Variants in PKP4 observed in about 807,000 individuals in gnomAD.
PKP4 encodes the protein plakophilin-4.
In PKP4, 90 loss-of-function variants were observed where a neutral mutation model predicts 145.1. That is an observed-to-expected ratio of 0.62 (90% CI 0.52 to 0.74). The LOEUF is 0.74. Among genes scored for constraint, PKP4 ranks in the 30% least tolerant of loss-of-function variants. The probability of loss-of-function intolerance (pLI) is 0.00; values close to 1 mark genes in which losing one functional copy is unlikely to be tolerated. For synonymous variants in PKP4, 563 were observed against 577.2 expected, an observed-to-expected ratio of 0.98 and a Z score of 0.35; for missense variants, 1,340 against 1,482.7, an observed-to-expected ratio of 0.90 and a Z score of 1.58.
chr2:158,664,320 C>T (rs970062865), intron 15 of PKP4, among the ~76,000 whole-genome samples: 2 of 152,164 alleles, frequency 1.3e-5, no homozygotes, highest in African/African-American at 4.8e-5. Flanking sequence ...TCTAAGGTTT[C>T]TGCATCTTTT....
At chr2:158,610,860 C>T (rs1268219445) in intron 4 of PKP4, among the ~76,000 whole-genome samples, 1 of 152,194 alleles carries the variant, frequency 6.6e-6, no homozygotes, top group Admixed American at 6.5e-5. Flanking sequence ...AGGAGCAGTC[C>T]GTCTTACAGG....
chr2:158,523,951 G>T (rs2042694578), intron 1 of PKP4, among the ~76,000 whole-genome samples: 1 of 98,386 alleles, frequency 1.0e-5, no homozygotes, highest in Admixed American at 1.2e-4. Flanking sequence ...AAAAAGAAAT[G>T]AGCAAAGCCT....
At chr2:158,503,567 A>G (rs1042556718) in intron 1 of PKP4, among the ~76,000 whole-genome samples, 2 of 152,220 alleles carry the variant, frequency 1.3e-5, no homozygotes, top group African/African-American at 2.4e-5. Flanking sequence ...TCAAAACTTA[A>G]GATCTTTCAT....
chr2:158,554,975 T>TTAA (rs1553573598), intron 2 of PKP4, among the ~76,000 whole-genome samples: 1 of 151,412 alleles, frequency 6.6e-6, no homozygotes, highest in Non-Finnish European at 1.5e-5. Context: ...ATTTACTTGT[T>TTAA]TAAATAATCC....
intron 1 of PKP4, among the ~76,000 whole-genome samples, chr2:158,502,470 T>C (rs567657758): frequency 1.3e-5 from 2 of 152,318 alleles, no homozygotes; most frequent in East Asian, 3.9e-4. Flanking sequence ...CATTTGAGCT[T>C]TGAATTTCAG....
At chr2:158,606,115 T>C (rs1157490361) in intron 4 of PKP4, among the ~76,000 whole-genome samples, 1 of 152,222 alleles carries the variant, frequency 6.6e-6, no homozygotes, top group Non-Finnish European at 1.5e-5. Flanking sequence ...TTCTCTTAAG[T>C]ATAAACCTAT....
At chr2:158,469,036 C>T (rs143825869) in intron 1 of PKP4, among the ~76,000 whole-genome samples, 2,468 of 151,984 alleles carry the variant, frequency 0.016, 30 homozygotes, top group Non-Finnish European at 0.025. Flanking sequence ...GCCTCAGCAT[C>T]CCAAAGTGCT....
intron 2 of PKP4, among the ~76,000 whole-genome samples, chr2:158,556,313 G>A (rs563404050): frequency 2.0e-5 from 3 of 152,308 alleles, no homozygotes; most frequent in East Asian, 3.9e-4. Context: ...GTAATCAAGA[G>A]TGTGAAGAGG....
chr2:158,504,589 G>C (rs916715093), intron 1 of PKP4, among the ~76,000 whole-genome samples: 15 of 151,982 alleles, frequency 9.9e-5, no homozygotes, highest in Admixed American at 8.5e-4. Context: ...TTATTTACTA[G>C]AATAGGTAGT....
intron 1 of PKP4, among the ~76,000 whole-genome samples, chr2:158,518,042 T>C (rs1278983654): frequency 6.6e-6 from 1 of 152,262 alleles, no homozygotes; most frequent in East Asian, 1.9e-4. Context: ...TATTGACTTA[T>C]TCAGTGTGTA....
rs1299734671 is a variant in PKP4 at position 158,482,848 on chromosome 2, G to T, written c.-6+25630G>T. On this transcript the variant is annotated intron_variant, in intron 1 of 21. Coordinates refer to ENST00000389759, the MANE Select transcript of PKP4 (RefSeq NM_003628.6). ...GCTTCAAAAAAAAAAAAAGAGGGGG[G>T]AAGGGAGGAAGGAATTTAGAGAACA... Among the ~76,000 whole-genome samples, 3 of 151,952 alleles carry T rather than the reference G, an allele frequency of 2.0e-5. No individual in the cohort carries two copies. The East Asian group carries it at 5.8e-4, about 29-fold the overall frequency.
At chr2:158,594,933 T>C (rs1209854428) in intron 3 of PKP4, among the ~76,000 whole-genome samples, 2 of 152,220 alleles carry the variant, frequency 1.3e-5, no homozygotes, top group Non-Finnish European at 2.9e-5. Flanking sequence ...GCAAAGCAGT[T>C]CACTTTCACT....
chr2:158,556,955 G>A (rs1454157243), intron 2 of PKP4, among the ~76,000 whole-genome samples: 2 of 151,994 alleles, frequency 1.3e-5, no homozygotes, highest in Non-Finnish European at 2.9e-5. Context: ...TCCACACCCT[G>A]AAGATCATGG....
chr2:158,477,535 GA>G (rs1692673378), intron 1 of PKP4, among the ~76,000 whole-genome samples: 1 of 152,212 alleles, frequency 6.6e-6, no homozygotes, highest in Non-Finnish European at 1.5e-5. Flanking sequence ...ATTATGGCCT[GA>G]TACCTCAGGA....
At chr2:158,615,987 C>CT (rs2051566733) in intron 4 of PKP4, among the ~76,000 whole-genome samples, 1 of 152,196 alleles carries the variant, frequency 6.6e-6, no homozygotes, top group African/African-American at 2.4e-5. Flanking sequence ...GAAACATGGT[C>CT]TTTCTGCCTT....
chr2:158,629,016 C>G (rs1206800469), intron 7 of PKP4, among the ~76,000 whole-genome samples: 1 of 152,134 alleles, frequency 6.6e-6, no homozygotes, highest in Non-Finnish European at 1.5e-5. Flanking sequence ...CTTTATGTCA[C>G]TGTTAACAAA....
chr2:158,483,137 G>A (rs570216034), intron 1 of PKP4, among the ~76,000 whole-genome samples: 37 of 152,244 alleles, frequency 2.4e-4, no homozygotes, highest in African/African-American at 8.7e-4. Flanking sequence ...TGGGGAAGTT[G>A]TATCTTTTAG....
chr2:158,490,918 T>C (rs1269732667), intron 1 of PKP4, among the ~76,000 whole-genome samples: 1 of 152,264 alleles, frequency 6.6e-6, no homozygotes, highest in Non-Finnish European at 1.5e-5. Context: ...CCCCATCTTC[T>C]ACATCTACCT....
chr2:158,631,686 A>G, intron 7 of PKP4, 67 bp from the exon 8 acceptor site: 5 of 1,333,194 alleles, frequency 3.8e-6, no homozygotes, highest in Admixed American at 1.7e-5. Context: ...GAATTTAATT[A>G]GGGTTTATGT....
Sources: gnomAD v4.1 joint callset for allele counts (sites outside exome capture counted in the v4.1 genomes callset) on GRCh38, gnomAD v4.1.1 for gene constraint, MANE v1.5 for transcripts, NCBI Gene and HGNC (gene_info 2026-07-23, HGNC 2026-07-21) for gene names.